The following SESTD1 variants were observed in gnomAD, a reference collection of about 807,000 sequenced individuals.
SESTD1 encodes the protein SEC14 and spectrin domain containing 1.
In SESTD1, 43 loss-of-function variants were observed where a neutral mutation model predicts 101.7. The observed-to-expected ratio is 0.42, with a 90% CI of 0.33 to 0.55. The LOEUF (loss-of-function observed/expected upper bound fraction) is 0.55. Among genes scored for constraint, SESTD1 ranks in the 20% least tolerant of loss-of-function variants. SESTD1 has a pLI of 0.07. For missense variants in SESTD1, 647 were observed against 815.1 expected, an observed-to-expected ratio of 0.79 and a Z score of 2.51; for synonymous variants, 283 against 286.8, an observed-to-expected ratio of 0.99 and a Z score of 0.13.
chr2:179,117,744 T>C (rs1328688504), intron 13 of SESTD1, 131 bp from the exon 14 acceptor site: 5 of 620,582 alleles, frequency 8.1e-6, no homozygotes, highest in Non-Finnish European at 1.0e-5. Flanking sequence ...AATGCAAGTA[T>C]TTTGTATTGA....
chr2:179,250,580 C>A (rs1203961204), intron 1 of SESTD1, among the ~76,000 whole-genome samples: 1 of 152,180 alleles, frequency 6.6e-6, no homozygotes, highest in Admixed American at 6.5e-5. Flanking sequence ...TGTGCCCTTT[C>A]ATGGTCTTTC....
At position 179,121,928 on chromosome 2, in the gene SESTD1, A is replaced by C. The variant is rs1260885337; in HGVS notation, c.1284T>G (p.Asp428Glu). Reference protein sequence around the residue: ...KLLEEKLKSVDVGLQGLREKG... With the variant: ...KLLEEKLKSVEVGLQGLREKG... ...TTTCACGCAAACCTTGCAATCCCAC[A>C]TCTAAAACAAAAGTTACTAGATTTA... The change falls in exon 13 of 18, where the codon GAT becomes GAG. Residue 428 changes from aspartate to glutamate, a missense_variant and splice_region_variant. By Grantham distance (45) the Asp-to-Glu change is conservative. This residue lies in a region of SESTD1 where 476 missense variants were observed against 562.6 expected (regional missense o/e 0.85). Coordinates refer to ENST00000428443, the MANE Select transcript of SESTD1 (RefSeq NM_178123.5). 9 of 1,594,692 alleles carry C rather than the reference A, an allele frequency of 5.6e-6. No individual in the cohort carries two copies. The highest frequency in any genetic ancestry group is 6.8e-6 in the Non-Finnish European group (8 of 1,174,224).
At chr2:179,233,602 T>A (rs557345074) in intron 1 of SESTD1, among the ~76,000 whole-genome samples, 1 of 152,088 alleles carries the variant, frequency 6.6e-6, no homozygotes, top group East Asian at 1.9e-4. Context: ...TAGAGGCGCA[T>A]ACCACAGTGC....
At chr2:179,165,765 T>C (rs2045823681) in intron 5 of SESTD1, among the ~76,000 whole-genome samples, 1 of 152,186 alleles carries the variant, frequency 6.6e-6, no homozygotes, top group Non-Finnish European at 1.5e-5. Flanking sequence ...CTTACATTAC[T>C]GGCACACATC....
intron 5 of SESTD1, among the ~76,000 whole-genome samples, chr2:179,154,693 G>C (rs1559117794): frequency 6.6e-6 from 1 of 151,938 alleles, no homozygotes; most frequent in Non-Finnish European, 1.5e-5. Flanking sequence ...GAAATATGCA[G>C]ACTACTGGAA....
rs993146529 is a variant in SESTD1 at position 179,151,498 on chromosome 2, A to C, written c.370-107T>G. The C allele has an allele frequency of 1.9e-5, 11 of 586,594 alleles. No individual in the cohort carries two copies. In the East Asian group the frequency reaches 3.4e-4, roughly 18 times the overall value. 36.3% of individuals were successfully genotyped at this position (586,594 alleles called of 1,614,324 possible). On this transcript the variant is annotated intron_variant, in intron 5 of 17. Coordinates refer to ENST00000428443, the MANE Select transcript of SESTD1 (RefSeq NM_178123.5). ...TAAAATATGCAATATTGTTTCCAAC[A>C]TGATGACACATTATCATTTACTTAA...
At chr2:179,257,487 C>T (rs923455779) in intron 1 of SESTD1, among the ~76,000 whole-genome samples, 1 of 152,186 alleles carries the variant, frequency 6.6e-6, no homozygotes, top group Non-Finnish European at 1.5e-5. Flanking sequence ...CACTGAGAAA[C>T]AGAAAATCGT....
At position 179,123,708 on chromosome 2, in the gene SESTD1, T is replaced by C. The variant is rs1169957610; in HGVS notation, c.1282+7A>G. Reference sequence around the variant, plus strand: ...CTTATGTTTCAGCATTTTTAAAATCTGCTTACCAACACTTTTCAGCTTCTC... The same window carrying C: ...CTTATGTTTCAGCATTTTTAAAATCCGCTTACCAACACTTTTCAGCTTCTC... On this transcript the variant is annotated splice_region_variant and intron_variant, in intron 12 of 17. Transcript: ENST00000428443. 2.5e-6 allele frequency: 4 copies of C among 1,596,232 alleles called. No individual in the cohort carries two copies. In the African/African-American group the frequency reaches 4.0e-5, roughly 16 times the overall value.
At chr2:179,120,005 C>T (rs1021038536) in intron 13 of SESTD1, among the ~76,000 whole-genome samples, 18 of 151,960 alleles carry the variant, frequency 1.2e-4, no homozygotes, top group Admixed American at 2.6e-4. Flanking sequence ...CCAAAGTGGG[C>T]GGATCACGAG....
chr2:179,182,949 G>A (rs2046141888), intron 3 of SESTD1, 131 bp downstream of exon 3: 11 of 536,980 alleles, frequency 2.0e-5, no homozygotes, highest in Non-Finnish European at 2.5e-5. Context: ...ATTGATTTTA[G>A]TATCTATAAT....
At chr2:179,145,701 A>G (rs1007261758) in intron 8 of SESTD1, among the ~76,000 whole-genome samples, 1 of 152,262 alleles carries the variant, frequency 6.6e-6, no homozygotes, top group Non-Finnish European at 1.5e-5. Context: ...ATAAAACAGT[A>G]GAGCTTTGGC....
At chr2:179,126,582 T>C (rs188079527) in intron 10 of SESTD1, among the ~76,000 whole-genome samples, 23 of 152,276 alleles carry the variant, frequency 1.5e-4, no homozygotes, top group Non-Finnish European at 2.6e-4. Context: ...CAAATTAATA[T>C]AGGCTTTAAA....
At chr2:179,238,720 C>T (rs1353352360) in intron 1 of SESTD1, among the ~76,000 whole-genome samples, 2 of 151,910 alleles carry the variant, frequency 1.3e-5, no homozygotes, top group East Asian at 3.9e-4. Context: ...AGTATATGGC[C>T]CTAAAATAAA....
rs184585819 is a variant in SESTD1 at position 179,246,530 on chromosome 2, G to A, written c.-26+17969C>T. Among the ~76,000 whole-genome samples the A allele has an allele frequency of 1.3e-4, 19 of 151,920 alleles. No individual in the cohort carries two copies. In the East Asian group the frequency reaches 2.9e-3, roughly 23 times the overall value. On this transcript the variant is annotated intron_variant, in intron 1 of 17. Coordinates refer to ENST00000428443, the MANE Select transcript of SESTD1 (RefSeq NM_178123.5). ...AGTGTTTATCACACAAGTGTCTATC[G>A]AACAACTACACAGAAAATCAACAAG... is the stretch of plus-strand genomic sequence containing the variant.
intron 1 of SESTD1, among the ~76,000 whole-genome samples, chr2:179,238,955 C>G (rs953024291): frequency 6.6e-6 from 1 of 152,166 alleles, no homozygotes; most frequent in Non-Finnish European, 1.5e-5. Flanking sequence ...AATACATTAA[C>G]TACTTACATG....
chr2:179,156,247 G>T (rs2045629248), intron 5 of SESTD1, among the ~76,000 whole-genome samples: 1 of 152,038 alleles, frequency 6.6e-6, no homozygotes, highest in Admixed American at 6.5e-5. Flanking sequence ...ATGGGGACTT[G>T]GGTTGGCTCT....
At chr2:179,173,864 G>A (rs139677800) in intron 4 of SESTD1, among the ~76,000 whole-genome samples, 1,979 of 152,102 alleles carry the variant, frequency 0.013, 43 homozygotes, top group African/African-American at 0.045. Context: ...AAATTCAAGG[G>A]CCCAACCTCT....
intron 1 of SESTD1, among the ~76,000 whole-genome samples, chr2:179,202,535 T>A (rs1159830979): frequency 7.4e-6 from 1 of 134,918 alleles, no homozygotes; most frequent in Non-Finnish European, 1.6e-5. Flanking sequence ...AGTCATGTAC[T>A]CCCCTGCTGA....
At chr2:179,128,024 T>G (rs1002458173) in intron 10 of SESTD1, among the ~76,000 whole-genome samples, 3 of 152,212 alleles carry the variant, frequency 2.0e-5, no homozygotes, top group African/African-American at 7.2e-5. Context: ...AGTCCTAGAA[T>G]AGCACTTTTC....
Sources: allele counts gnomAD v4.1 joint callset (sites outside exome capture counted in the v4.1 genomes callset), GRCh38; gene constraint gnomAD v4.1.1; regional missense constraint gnomAD v4.1.1; transcripts MANE v1.5; gene names NCBI Gene and HGNC (gene_info 2026-07-23, HGNC 2026-07-21).